MARVELD3: variants seen among roughly 807,000 people sequenced by gnomAD.
MARVELD3 encodes MARVEL domain containing 3.
In MARVELD3, 28 loss-of-function variants were observed where a neutral mutation model predicts 33.5. That is an observed-to-expected ratio of 0.84 (90% CI 0.62 to 1.15). The LOEUF (loss-of-function observed/expected upper bound fraction) is 1.15. Among genes scored for constraint, MARVELD3 ranks in the 50% most tolerant of loss-of-function variants. The pLI is 0.00. For missense variants in MARVELD3, 582 were observed against 547.6 expected (o/e 1.06, Z -0.63); for synonymous variants, 241 against 230.4 (o/e 1.05, Z -0.42).
At chr16:71,641,148 C>A, downstream of MARVELD3, 1 of 1,270,468 alleles carries the variant, frequency 7.9e-7, no homozygotes, top group Non-Finnish European at 1.1e-6. Flanking sequence ...TCTCTTTGGA[C>A]TGAGGCAAAG....
intron 1 of MARVELD3, 71 bp from the exon 2 acceptor site, chr16:71,629,296 T>A: frequency 6.9e-7 from 1 of 1,454,406 alleles, no homozygotes; most frequent in South Asian, 1.5e-5. Flanking sequence ...GCACGAGGAG[T>A]CAAGAGTTCT....
chr16:71,634,241 G>A lies in MARVELD3; in HGVS notation c.644G>A (p.Cys215Tyr), dbSNP rs2044559706. ...EVLLNLLILA[C>Y]SSVSYSSTGG... ...CTCCTGAACTTGCTGATCCTGGCCT[G>A]CAGCTCTGTGTCTTACAGTTCCACA... Residue 215 changes from cysteine (C) to tyrosine (Y), a missense_variant, in exon 3 of 3, where the codon TGC becomes TAC. Coordinates refer to ENST00000268485, the MANE Select transcript of MARVELD3 (RefSeq NM_052858.6). 1 of 1,612,960 alleles carries A rather than the reference G, an allele frequency of 6.2e-7. No homozygotes were observed. The highest frequency in any genetic ancestry group is 1.7e-5 in the Admixed American group (1 of 59,990).
At chr16:71,629,783 C>T in intron 2 of MARVELD3, 1 of 419,476 alleles carries the variant, frequency 2.4e-6, no homozygotes, top group Non-Finnish European at 4.1e-6. Context: ...GTGCAGAGGC[C>T]TGTAGGTGGA....
At chr16:71,629,738 C>A in intron 2 of MARVELD3, 1 of 471,076 alleles carries the variant, frequency 2.1e-6, no homozygotes. Flanking sequence ...CAAAGGCAAG[C>A]AGCCATGTTT....
chr16:71,632,561 G>T (rs899006297), intron 2 of MARVELD3, among the ~76,000 whole-genome samples: 1 of 149,532 alleles, frequency 6.7e-6, no homozygotes, highest in Admixed American at 6.6e-5. Context: ...AGCATTAAGG[G>T]TTTAATTAAC....
downstream of MARVELD3, chr16:71,640,486 C>A: frequency 6.2e-7 from 1 of 1,614,112 alleles, no homozygotes; most frequent in Non-Finnish European, 8.5e-7. Context: ...GCCAGCTTTT[C>A]CAGCGGCGGT....
chr16:71,626,534 G>A lies in MARVELD3; in HGVS notation c.305G>A (p.Gly102Asp). 2 of 1,549,656 alleles carry A rather than the reference G, an allele frequency of 1.3e-6. No individual in the cohort carries two copies. Among genetic ancestry groups the A allele is most frequent in the South Asian group, 1.2e-5 (1 of 84,062 alleles). ...DTHRDAGPRA[G>D]EHGVWEKPRQ... is the part of the protein sequence containing the mutation. ...CACAGGGACGCGGGCCCTCGCGCAG[G>A]TGAACACGGAGTTTGGGAAAAACCG... The change falls in exon 1 of 3, where the codon GGT (glycine) becomes GAT (aspartate). Residue 102 changes from glycine to aspartate, a missense_variant. Gly to Asp is a moderately conservative substitution (Grantham distance 94). Coordinates refer to ENST00000268485, the MANE Select transcript of MARVELD3 (RefSeq NM_052858.6). This position sits in a 1 kb window ranked among gnomAD's most constrained non-coding sequence, Gnocchi z 5.3.
At chr16:71,630,585 T>C (rs1428067209) in intron 2 of MARVELD3, among the ~76,000 whole-genome samples, 1 of 151,158 alleles carries the variant, frequency 6.6e-6, no homozygotes, top group East Asian at 1.9e-4. Context: ...GATTTCGCCA[T>C]TGCACTCTAG....
At chr16:71,640,779 A>T (rs749560231), downstream of MARVELD3, 1 of 1,614,242 alleles carries the variant, frequency 6.2e-7, no homozygotes, top group South Asian at 1.1e-5. Flanking sequence ...TCTGCAGATC[A>T]ATAGCACCGA....
At chr16:71,632,634 C>A in intron 2 of MARVELD3, among the ~76,000 whole-genome samples, 1 of 146,036 alleles carries the variant, frequency 6.8e-6, no homozygotes, top group Admixed American at 7.0e-5. Flanking sequence ...TTTTTTGAGG[C>A]AGAGCCTCAC....
In MARVELD3 at chr16:71,634,516, G is replaced by A. The variant is rs773517243; in HGVS notation, c.919G>A (p.Gly307Ser). The A allele has an allele frequency of 4.3e-6, 7 of 1,614,204 alleles. No homozygotes were observed. The South Asian group carries it at 5.5e-5, about 13-fold the overall frequency. ...WHCPLLLVTE[G>S]LLDMLIAGGY... ...TTGTCCACTGTTGCTGGTGACCGAA[G>A]GCTTGTTGGACATGCTCATCGCGGG... Residue 307 changes from glycine to serine, a missense_variant, in exon 3 of 3, where the codon GGC (glycine) becomes AGC (serine). Physicochemically the swap from Gly to Ser is moderately conservative, Grantham distance 56. Transcript: ENST00000268485.
rs146351064 is a variant in MARVELD3 at position 71,630,184 on chromosome 16, C to T, written c.595+690C>T. ...GGTGGATCACTTGAGGTCAGGGGTTCGAGACCAGCCTGGCCAACGTGGTGA... is the reference window on the plus strand; with the variant it reads ...GGTGGATCACTTGAGGTCAGGGGTTTGAGACCAGCCTGGCCAACGTGGTGA... On this transcript the variant is annotated intron_variant, in intron 2 of 2. Coordinates refer to ENST00000268485, the MANE Select transcript of MARVELD3 (RefSeq NM_052858.6). Among the ~76,000 whole-genome samples the T allele has an allele frequency of 1.9e-3, 291 of 151,336 alleles. 2 individuals carry two copies. The highest frequency in any genetic ancestry group is 7.0e-3 in the Middle Eastern group (2 of 286).
rs1309837472 is a variant in MARVELD3, at chr16:71,634,619, A to T, written c.1022A>T (p.Gln341Leu). The change falls in exon 3 of 3, where the codon CAG becomes CTG. Residue 341 changes from glutamine to leucine, a missense_variant. Coordinates refer to ENST00000268485, the MANE Select transcript of MARVELD3 (RefSeq NM_052858.6). The part of the protein sequence containing the change: ...AYGSPVCKER[Q>L]ALYQSKGYSG... Reference sequence around the variant, plus strand: ...GGCTCTCCTGTGTGTAAAGAGAGGCAGGCGCTGTACCAAAGCAAAGGCTAC... The same window carrying T: ...GGCTCTCCTGTGTGTAAAGAGAGGCTGGCGCTGTACCAAAGCAAAGGCTAC... 1.2e-6 allele frequency: 2 copies of T among 1,614,176 alleles called. No individual in the cohort carries two copies. The highest frequency in any genetic ancestry group is 1.7e-6 in the Non-Finnish European group (2 of 1,180,038).
In MARVELD3 at chr16:71,635,646, T is replaced by C. The variant is rs879004070; in HGVS notation, c.*843T>C. The C allele has an allele frequency of 3.0e-6, 3 of 984,878 alleles. No homozygotes were observed. The highest frequency in any genetic ancestry group is 3.6e-6 in the Non-Finnish European group (3 of 829,898). The allele number at this position is 984,878 out of a possible 1,614,324, so 61.0% of individuals were successfully genotyped here. A position where few individuals can be genotyped will look rare whatever the true frequency, so the allele number is the denominator to read the frequency against. On this transcript the variant is annotated 3_prime_UTR_variant, in exon 3 of 3. Transcript: ENST00000268485. ...AAAAAAAAGTTCATGGAGAGCCACA[T>C]AGACATGAGACCACACTTCAGCCTG...
At chr16:71,628,678 C>T (rs1028866082) in intron 1 of MARVELD3, among the ~76,000 whole-genome samples, 1 of 151,886 alleles carries the variant, frequency 6.6e-6, no homozygotes, top group African/African-American at 2.4e-5. Flanking sequence ...GCTGGGTCTG[C>T]GAGCATGAGG....
chr16:71,628,430 G>A (rs1435478596), intron 1 of MARVELD3, among the ~76,000 whole-genome samples: 3 of 151,996 alleles, frequency 2.0e-5, no homozygotes, highest in Non-Finnish European at 4.4e-5. Context: ...TCAGCTACTC[G>A]GGAGGCTGAG....
At chr16:71,641,836 A>G (rs2044621945) in exon 3 of MARVELD3, 1 of 152,214 alleles carries the variant, frequency 6.6e-6, no homozygotes, top group South Asian at 2.1e-4. Context: ...TCATTTCTGC[A>G]TTCCCTGACA....
rs149069828 is a variant in MARVELD3 at position 71,631,113 on chromosome 16, A to C, written c.595+1619A>C. Among the ~76,000 whole-genome samples the C allele has an allele frequency of 2.8e-3, 430 of 152,352 alleles. 3 individuals carry two copies. Among genetic ancestry groups the C allele is most frequent in the Non-Finnish European group, 5.0e-3 (341 of 68,044 alleles). ...ATGTAATCTCAGGATAATTCCAAAG[A>C]TGCATATGATTATAGGATTATAGGA... On this transcript the variant is annotated intron_variant, in intron 2 of 2. Transcript: ENST00000268485.
intron 1 of MARVELD3, among the ~76,000 whole-genome samples, chr16:71,627,752 A>T (rs1020550347): frequency 5.8e-5 from 8 of 138,352 alleles, no homozygotes; most frequent in Non-Finnish European, 1.1e-4. Flanking sequence ...GGTGTACTGG[A>T]AGACTCTGTG....
Sources: allele counts gnomAD v4.1 joint callset (sites outside exome capture counted in the v4.1 genomes callset), GRCh38; gene constraint gnomAD v4.1.1; non-coding constraint Gnocchi (gnomAD v3.1); transcripts MANE v1.5; gene names NCBI Gene and HGNC (gene_info 2026-07-23, HGNC 2026-07-21).